KLHL26: variants seen among roughly 807,000 people sequenced by gnomAD.
KLHL26 encodes kelch-like protein 26.
In KLHL26, 4 loss-of-function variants were observed where a neutral mutation model predicts 7.1. That is an observed-to-expected ratio of 0.56 (90% confidence interval 0.28 to 1.28). The LOEUF (loss-of-function observed/expected upper bound fraction) is 1.28. Among genes scored for constraint, KLHL26 ranks in the 50% most tolerant of loss-of-function variants. The probability of loss-of-function intolerance (pLI) is 0.11; values close to 1 mark genes in which losing one functional copy is unlikely to be tolerated. For synonymous variants in KLHL26, 465 were observed against 414.1 expected, an observed-to-expected ratio of 1.12 and a Z score of -1.49; for missense variants, 896 against 924.6, an observed-to-expected ratio of 0.97 and a Z score of 0.40.
At position 18,668,589 on chromosome 19, in the gene KLHL26, G is replaced by C. The variant is rs1391415024; in HGVS notation, c.1192G>C (p.Ala398Pro). 2 of 1,590,498 alleles carry C rather than the reference G, an allele frequency of 1.3e-6. No homozygotes were observed. Among genetic ancestry groups the C allele is most frequent in the South Asian group, 2.2e-5 (2 of 90,198 alleles). ...PHLNRWLRLQAMQESRIQFQL... is the reference protein window; with the variant it reads ...PHLNRWLRLQPMQESRIQFQL... The stretch of plus-strand genomic sequence containing the variant: ...CCTGAATCGCTGGCTGCGCCTGCAG[G>C]CCATGCAGGAAAGCCGCATCCAGTT... The change falls in exon 3 of 3, where the codon GCC becomes CCC. Residue 398 changes from alanine to proline, a missense_variant. Ala to Pro is a conservative substitution (Grantham distance 27, BLOSUM62 -1). Transcript: ENST00000300976.
intron 2 of KLHL26, chr19:18,667,392 G>A: frequency 1.9e-6 from 1 of 535,722 alleles, no homozygotes; most frequent in South Asian, 2.1e-5. Context: ...GTCTCACTCT[G>A]TCACCCAGGC....
rs200859479 is a variant in KLHL26, at chr19:18,668,087, C to A, written c.690C>A (p.Ala230=). The A allele has an allele frequency of 3.5e-5, 56 of 1,604,904 alleles. No individual in the cohort carries two copies. The highest frequency in any genetic ancestry group is 1.2e-4 in the South Asian group (11 of 91,082). Residue 230 remains alanine, a synonymous_variant, in exon 3 of 3, where the codon GCC becomes GCA. Coordinates refer to ENST00000300976, the MANE Select transcript of KLHL26 (RefSeq NM_018316.3). ...SCAEIDLFRA[A]VRWLQHDPAR... ...CCGAGATCGACCTGTTCCGCGCGGCCGTCCGCTGGCTGCAGCATGACCCGG... is the reference window on the plus strand; with the variant it reads ...CCGAGATCGACCTGTTCCGCGCGGCAGTCCGCTGGCTGCAGCATGACCCGG...
chr19:18,643,370 G>A (rs572584121), intron 1 of KLHL26, among the ~76,000 whole-genome samples: 56 of 150,924 alleles, frequency 3.7e-4, no homozygotes, highest in African/African-American at 1.4e-3. Context: ...ACTTGAACCC[G>A]GGAGGCAGAG....
At position 18,667,890 on chromosome 19, in the gene KLHL26, T is replaced by A; in HGVS notation, c.493T>A (p.Cys165Ser). Residue 165 changes from cysteine (C) to serine (S), a missense_variant, in exon 3 of 3, where the codon TGC becomes AGC. Physicochemically the swap from Cys to Ser is moderately radical, Grantham distance 112. Coordinates refer to ENST00000300976, the MANE Select transcript of KLHL26 (RefSeq NM_018316.3). ...FLKAAMSVET[C>S]LNIGQMATTF... is the part of the protein sequence containing the mutation. ...GAAGGCGGCCATGAGCGTGGAGACC[T>A]GCCTCAACATCGGCCAGATGGCCAC... 6.2e-7 allele frequency: 1 copy of A among 1,612,644 alleles called. No individual in the cohort carries two copies. Among genetic ancestry groups the A allele is most frequent in the East Asian group, 2.2e-5 (1 of 44,888 alleles).
chr19:18,665,348 G>A (rs548818724), intron 2 of KLHL26, among the ~76,000 whole-genome samples: 5 of 152,318 alleles, frequency 3.3e-5, no homozygotes, highest in African/African-American at 7.2e-5. Context: ...GAGCCACTGC[G>A]CCCAGCCCAA....
rs1348138115 is a variant in KLHL26, at chr19:18,667,919, C to T, written c.522C>T (p.Thr174=). 6.2e-7 allele frequency: 1 copy of T among 1,611,984 alleles called. No homozygotes were observed. ...TCAACATCGGCCAGATGGCCACCAC[C>T]TTCAGCCTGGCCTCGCTGCGAGAGT... The part of the protein sequence containing the change: ...TCLNIGQMAT[T]FSLASLRESV... The change falls in exon 3 of 3, where the codon ACC becomes ACT. Residue 174 remains threonine, a synonymous_variant. Transcript: ENST00000300976.
chr19:18,654,665 C>T (rs2052310559), intron 1 of KLHL26, among the ~76,000 whole-genome samples: 2 of 151,778 alleles, frequency 1.3e-5, no homozygotes, highest in Non-Finnish European at 1.5e-5. Context: ...TTTCATCCAC[C>T]CATCCACCTA....
Position 18,669,113 on chromosome 19 carries a change from C to T in KLHL26, c.1716C>T (p.Asn572=). 2 of 1,612,934 alleles carry T rather than the reference C, an allele frequency of 1.2e-6. No individual in the cohort carries two copies. The highest frequency in any genetic ancestry group is 1.7e-5 in the Admixed American group (1 of 60,026). ...TCGGGGGCTACAACTGGCGTCTCAACAACGTCACGGGCATCGTACAGGTGT... is the reference window on the plus strand; with the variant it reads ...TCGGGGGCTACAACTGGCGTCTCAATAACGTCACGGGCATCGTACAGGTGT... ...YIVGGYNWRL[N]NVTGIVQVYN... Residue 572 remains asparagine, a synonymous_variant, in exon 3 of 3, where the codon AAC becomes AAT. Transcript: ENST00000300976.
intron 1 of KLHL26, among the ~76,000 whole-genome samples, chr19:18,651,339 C>T (rs2052253568): frequency 6.6e-6 from 1 of 152,166 alleles, no homozygotes; most frequent in Non-Finnish European, 1.5e-5. Flanking sequence ...AGGGCCAAGT[C>T]CCCATCCCAG....
In KLHL26 at chr19:18,656,189, C is replaced by T. The variant is rs1272790253; in HGVS notation, c.84-8072C>T. 7.2e-5 allele frequency among the ~76,000 whole-genome samples: 11 copies of T among 152,256 alleles called. No individual in the cohort carries two copies. The highest frequency in any genetic ancestry group is 2.6e-4 in the African/African-American group (11 of 41,544). On this transcript the variant is annotated intron_variant, in intron 1 of 2. Transcript: ENST00000300976. This position sits in a 1 kb window ranked among gnomAD's most constrained non-coding sequence, Gnocchi z 4.4. ...CATGGTGGGGTTGGTGGGGGACCTGCAGGATGGGGGTGGACGGGCCTCAGC... is the reference window on the plus strand; with the variant it reads ...CATGGTGGGGTTGGTGGGGGACCTGTAGGATGGGGGTGGACGGGCCTCAGC...
At chr19:18,663,886 C>T (rs1366278882) in intron 1 of KLHL26, among the ~76,000 whole-genome samples, 2 of 152,140 alleles carry the variant, frequency 1.3e-5, no homozygotes, top group East Asian at 1.9e-4. Flanking sequence ...AGAAGGCTCC[C>T]GTGTGTCCTT....
intron 1 of KLHL26, among the ~76,000 whole-genome samples, chr19:18,640,661 C>A (rs970415123): frequency 6.7e-6 from 1 of 149,360 alleles, no homozygotes; most frequent in Admixed American, 6.8e-5. Flanking sequence ...GCTTCAGCCT[C>A]CTGAGTAGCT....
At chr19:18,664,963 G>T (rs1239970992) in intron 2 of KLHL26, among the ~76,000 whole-genome samples, 1 of 152,070 alleles carries the variant, frequency 6.6e-6, no homozygotes, top group Non-Finnish European at 1.5e-5. Flanking sequence ...TCTTTGGGCA[G>T]AACATGCCTG....
intron 1 of KLHL26, among the ~76,000 whole-genome samples, chr19:18,647,799 C>T (rs1976832266): frequency 6.6e-6 from 1 of 152,158 alleles, no homozygotes; most frequent in African/African-American, 2.4e-5. Flanking sequence ...GGTGACTGGG[C>T]AGCATGTGTC....
Position 18,668,879 on chromosome 19 carries a change from G to C in KLHL26, c.1482G>C (p.Met494Ile), listed in dbSNP as rs2052491472. The change falls in exon 3 of 3, where the codon ATG becomes ATC. Residue 494 changes from methionine (M) to isoleucine (I), a missense_variant. By Grantham distance (10) the Met-to-Ile change is conservative. Transcript: ENST00000300976. ...ACCAGTGGGAGTTCAAGGCGCCCAT[G>C]AGCGAACCCCGCGTGCTACACGCCA... ...VADQWEFKAP[M>I]SEPRVLHAMV... The C allele has an allele frequency of 6.3e-7, 1 of 1,596,402 alleles. No individual in the cohort carries two copies.
rs1976847827 is a variant in KLHL26, at chr19:18,648,673, A to C, written c.83+11536A>C. Among the ~76,000 whole-genome samples, 1 of 152,174 alleles carries C rather than the reference A, an allele frequency of 6.6e-6. No homozygotes were observed. ...GGTTCGTGCCACTTGGAGCTCCCAC[A>C]GTCCTTGAGGGCTTCAGGTCTTCCC... On this transcript the variant is annotated intron_variant, in intron 1 of 2. Coordinates refer to ENST00000300976, the MANE Select transcript of KLHL26 (RefSeq NM_018316.3). This position sits in a 1 kb window ranked among gnomAD's most constrained non-coding sequence, Gnocchi z 4.9.
Position 18,668,786 on chromosome 19 carries a change from C to T in KLHL26, c.1389C>T (p.Tyr463=). 5 of 1,596,070 alleles carry T rather than the reference C, an allele frequency of 3.1e-6. No individual in the cohort carries two copies. Among genetic ancestry groups the T allele is most frequent in the Non-Finnish European group, 4.2e-6 (5 of 1,178,018 alleles). Residue 463 remains tyrosine (Y), a synonymous_variant, in exon 3 of 3, where the codon TAC becomes TAT. Coordinates refer to ENST00000300976, the MANE Select transcript of KLHL26 (RefSeq NM_018316.3). ...GGGCCGCCTCAGGGGGCCGCCTCTA[C>T]ATCTCGGGTGGCTACGGGATCTCAG... The part of the protein sequence containing the change: ...HAGAASGGRL[Y]ISGGYGISVE...
At position 18,637,048 on chromosome 19, in the gene KLHL26, G is replaced by C. The variant is rs561485335; in HGVS notation, c.-7G>C. ...CCGTCACTCGAACGCGCGACGGCGGGGGGAAGATGGCGGAGTCCGGCGGTA... is the reference window on the plus strand; with the variant it reads ...CCGTCACTCGAACGCGCGACGGCGGCGGGAAGATGGCGGAGTCCGGCGGTA... On this transcript the variant is annotated 5_prime_UTR_variant, in exon 1 of 3. Coordinates refer to ENST00000300976, the MANE Select transcript of KLHL26 (RefSeq NM_018316.3). The C allele has an allele frequency of 1.7e-5, 23 of 1,350,958 alleles. No individual in the cohort carries two copies. The East Asian group carries it at 3.7e-4, about 22-fold the overall frequency. 83.7% of individuals were successfully genotyped at this position (1,350,958 alleles called of 1,614,324 possible). A position where few individuals can be genotyped will look rare whatever the true frequency, so the allele number is the denominator to read the frequency against.
Position 18,668,180 on chromosome 19 carries a change from G to T in KLHL26, c.783G>T (p.Leu261=). The T allele has an allele frequency of 6.2e-7, 1 of 1,610,956 alleles. No homozygotes were observed. The highest frequency in any genetic ancestry group is 2.2e-5 in the East Asian group (1 of 44,866). The stretch of plus-strand genomic sequence containing the variant: ...TCCCGCTCATGCAGTCGTCCGAGCT[G>T]GTGGACAGCGTGCAGACGCTGGACA... ...IRFPLMQSSE[L]VDSVQTLDIM... is the part of the protein sequence containing the mutation. Residue 261 remains leucine, a synonymous_variant, in exon 3 of 3, where the codon CTG becomes CTT. Transcript: ENST00000300976.
Sources: gnomAD v4.1 joint callset for allele counts (sites outside exome capture counted in the v4.1 genomes callset) on GRCh38, gnomAD v4.1.1 for gene constraint, Gnocchi (gnomAD v3.1) non-coding constraint, MANE v1.5 for transcripts, NCBI Gene and HGNC (gene_info 2026-07-23, HGNC 2026-07-21) for gene names.